The following COL4A6 variants were observed in gnomAD, a reference collection of about 807,000 sequenced individuals.
COL4A6 encodes the protein collagen alpha-6(IV) chain.
Under a neutral mutation model 126.7 loss-of-function variants are expected in COL4A6, and 59 were observed. The observed-to-expected ratio is 0.47, with a 90% CI of 0.38 to 0.58. The LOEUF (loss-of-function observed/expected upper bound fraction) is 0.58. Ranked by LOEUF, COL4A6 falls within the 20% of genes least tolerant of loss-of-function variation. COL4A6 has a pLI of 0.00. For synonymous variants in COL4A6, 547 were observed against 496.6 expected (o/e 1.10, Z -1.35); for missense variants, 1,285 against 1,337.3 (o/e 0.96, Z 0.61).
chrX:108,178,496 C>A (rs1163893589), intron 27 of COL4A6, among the ~76,000 whole-genome samples, 188 bp downstream of exon 27: 3 of 112,569 alleles, frequency 2.7e-5, no homozygotes, highest in Admixed American at 9.3e-5. Context: ...TGGAAGCTAA[C>A]CTGCAGCAAT....
intron 27 of COL4A6, 73 bp from the exon 28 acceptor site, chrX:108,177,084 A>T (rs188688809): frequency 1.0e-6 from 1 of 982,229 alleles, no homozygotes; most frequent in Admixed American, 2.8e-5. Flanking sequence ...CACTGCCTAT[A>T]TCATAGCTTC....
At chrX:108,283,613 C>T (rs899104014) in intron 3 of COL4A6, among the ~76,000 whole-genome samples, 5 of 108,724 alleles carry the variant, frequency 4.6e-5, no homozygotes, top group South Asian at 8.1e-4. Flanking sequence ...GGCGGGGATG[C>T]GGGGAGTGGA....
In COL4A6 at chrX:108,193,689, C is replaced by T. The variant is rs1342292158; in HGVS notation, c.1011G>A (p.Lys337=). The change falls in exon 17 of 45, where the codon AAG becomes AAA. Residue 337 remains lysine (K), a synonymous_variant. Coordinates refer to ENST00000334504, the MANE Select transcript of COL4A6 (RefSeq NM_033641.4). ...LNGFQGIEGQ[K]GDIGLPGPDV... is the part of the protein sequence containing the mutation. The stretch of plus-strand genomic sequence containing the variant: ...CTGGGCCTGGCAGGCCAATGTCACC[C>T]TTTTGACCCTGCAAAGATTAAGTAC... 1 of 1,204,342 alleles carries T rather than the reference C, an allele frequency of 8.3e-7. No individual in the cohort carries two copies. The highest frequency in any genetic ancestry group is 2.2e-5 in the Admixed American group (1 of 45,870).
chrX:108,188,388 G>T, intron 21 of COL4A6, 129 bp downstream of exon 21: 2 of 657,719 alleles, frequency 3.0e-6, no homozygotes, highest in Middle Eastern at 5.7e-4. Flanking sequence ...TCATGTTGTA[G>T]ATCAAAACCC....
intron 11 of COL4A6, among the ~76,000 whole-genome samples, chrX:108,204,722 T>C (rs1263690389): frequency 8.9e-6 from 1 of 111,751 alleles, no homozygotes. Flanking sequence ...GGTGAATGGC[T>C]ACCTCTTGGC....
chrX:108,403,682 T>C (rs1340962041), intron 2 of COL4A6, among the ~76,000 whole-genome samples: 1 of 111,642 alleles, frequency 9.0e-6, no homozygotes, highest in Non-Finnish European at 1.9e-5. Flanking sequence ...TAGCTCATCT[T>C]TGGAATATAT....
At chrX:108,162,619 C>T (rs1263241142) in intron 41 of COL4A6, among the ~76,000 whole-genome samples, 1 of 111,195 alleles carries the variant, frequency 9.0e-6, no homozygotes, top group Admixed American at 9.5e-5. Context: ...ACCACACTCC[C>T]TCCATCTCTC....
chrX:108,187,418 C>A, intron 22 of COL4A6, 139 bp from the exon 23 acceptor site: 1 of 489,423 alleles, frequency 2.0e-6, no homozygotes. Context: ...CATAGTTTAT[C>A]TATCAGTCTC....
intron 7 of COL4A6, among the ~76,000 whole-genome samples, 184 bp downstream of exon 7, chrX:108,211,488 G>A (rs1317356653): frequency 8.8e-6 from 1 of 113,223 alleles, no homozygotes; most frequent in Non-Finnish European, 1.9e-5. Context: ...TGACAGTATA[G>A]TTGCAAACAT....
chrX:108,219,026 A>G (rs2035938319), intron 5 of COL4A6, among the ~76,000 whole-genome samples: 1 of 112,441 alleles, frequency 8.9e-6, no homozygotes, highest in South Asian at 3.7e-4. Flanking sequence ...CAATGCTACC[A>G]TGGAATCACC....
At chrX:108,363,673 T>C (rs1032237508) in intron 2 of COL4A6, among the ~76,000 whole-genome samples, 1 of 112,144 alleles carries the variant, frequency 8.9e-6, no homozygotes, top group African/African-American at 3.2e-5. Flanking sequence ...CTGCTACCTG[T>C]AAAGGGGGAT....
chrX:108,233,693 G>T (rs751869296), intron 3 of COL4A6, among the ~76,000 whole-genome samples: 35 of 111,815 alleles, frequency 3.1e-4, no homozygotes, highest in Non-Finnish European at 5.5e-4. Context: ...AAACACACAT[G>T]CCCACAGGCA....
At chrX:108,272,384 A>T (rs2037474071) in intron 3 of COL4A6, among the ~76,000 whole-genome samples, 2 of 111,447 alleles carry the variant, frequency 1.8e-5, no homozygotes, top group Admixed American at 1.9e-4. Context: ...CACTGTGTCA[A>T]CCCACTTCAG....
intron 2 of COL4A6, among the ~76,000 whole-genome samples, chrX:108,395,567 T>A (rs922800036): frequency 4.4e-5 from 5 of 112,457 alleles, no homozygotes; most frequent in South Asian, 3.7e-4. Flanking sequence ...TATAAATGAT[T>A]TGACTTTGGT....
At chrX:108,225,818 G>A (rs747001883) in intron 3 of COL4A6, among the ~76,000 whole-genome samples, 191 of 112,678 alleles carry the variant, frequency 1.7e-3, no homozygotes, top group Non-Finnish European at 3.2e-3. Context: ...TTATACCTCC[G>A]TTAAGGTTCC....
chrX:108,233,291 C>T (rs1284141245), intron 3 of COL4A6, among the ~76,000 whole-genome samples: 1 of 111,632 alleles, frequency 9.0e-6, no homozygotes, highest in East Asian at 2.8e-4. Flanking sequence ...TATTCTCTGA[C>T]ATAATATATT....
rs374193257 is a variant in COL4A6, at chrX:108,191,353, A to G, written c.1321+40T>C. The G allele has an allele frequency of 3.3e-5, 40 of 1,196,822 alleles. No homozygotes were observed. In the East Asian group the frequency reaches 1.1e-3, roughly 34 times the overall value. On this transcript the variant is annotated intron_variant, in intron 19 of 44. Transcript: ENST00000334504. ...ATGACTGTTCTGCAGTCTGGATCAC[A>G]TCTGAATCTTGAGACCAAAAAGAGA...
chrX:108,195,256 C>T, intron 14 of COL4A6, 130 bp from the exon 15 acceptor site: 1 of 446,249 alleles, frequency 2.2e-6, no homozygotes, highest in South Asian at 5.3e-5. Context: ...AGCGAATGTT[C>T]CTAGACCTAG....
At chrX:108,435,537 G>A (rs190160722) in intron 2 of COL4A6, among the ~76,000 whole-genome samples, 339 of 111,583 alleles carry the variant, frequency 3.0e-3, no homozygotes, top group African/African-American at 0.011. Flanking sequence ...ATAGTTAGGC[G>A]CCTAACAGCC....
Sources: gnomAD v4.1 joint callset for allele counts (sites outside exome capture counted in the v4.1 genomes callset) on GRCh38, gnomAD v4.1.1 for gene constraint, MANE v1.5 for transcripts, NCBI Gene and HGNC (gene_info 2026-07-23, HGNC 2026-07-21) for gene names.